MEX3A: variants seen among roughly 807,000 people sequenced by gnomAD.
The protein encoded by MEX3A is mex-3 RNA binding family member A.
A neutral mutation model predicts 30.0 loss-of-function variants in MEX3A; 4 were observed. That is an observed-to-expected ratio of 0.13 (90% confidence interval 0.07 to 0.30). The LOEUF is 0.30. Among genes scored for constraint, MEX3A ranks in the 10% least tolerant of loss-of-function variants. The pLI is 1.00. For missense variants in MEX3A, 555 were observed against 736.7 expected, an observed-to-expected ratio of 0.75 and a Z score of 2.86; for synonymous variants, 335 against 327.6, an observed-to-expected ratio of 1.02 and a Z score of -0.24.
chr1:156,079,059 GTCCTAC>G (rs1648149536), intron 1 of MEX3A, among the ~76,000 whole-genome samples: 1 of 152,002 alleles, frequency 6.6e-6, no homozygotes, highest in Non-Finnish European at 1.5e-5. Flanking sequence ...AAACCAAGTG[GTCCTAC>G]TTTTCTGCCT....
intron 1 of MEX3A, among the ~76,000 whole-genome samples, chr1:156,081,229 G>A (rs1300337150): frequency 6.6e-6 from 1 of 152,172 alleles, no homozygotes; most frequent in African/African-American, 2.4e-5. Flanking sequence ...CAGTTTTTCT[G>A]GTTAGGAGTG....
chr1:156,076,503 A>C lies in MEX3A; in HGVS notation c.*71T>G. ...TTGCCCCTCAAATCACCGCTTTCCA[A>C]AAGGCTTTAGTGGAAAACAGGTCCA... On this transcript the variant is annotated 3_prime_UTR_variant, in exon 2 of 2. Transcript: ENST00000532414. The surrounding 1 kb of genome is among the most constrained non-coding windows in gnomAD (Gnocchi z 6.0). 6.8e-7 allele frequency: 1 copy of C among 1,477,382 alleles called. No individual in the cohort carries two copies. Among genetic ancestry groups the C allele is most frequent in the South Asian group, 1.3e-5 (1 of 74,992 alleles). The allele number at this position is 1,477,382 out of a possible 1,614,324, so 91.5% of individuals were successfully genotyped here.
At position 156,077,971 on chromosome 1, in the gene MEX3A, A is replaced by G. The variant is rs1022481874; in HGVS notation, c.455-289T>C. ...ATTCATTCACTCCTCAAAACCCCCA[A>G]ATAATCACTGACCCTCCCATACAAG... On this transcript the variant is annotated intron_variant, in intron 1 of 1. Coordinates refer to ENST00000532414, the MANE Select transcript of MEX3A (RefSeq NM_001093725.2). The surrounding 1 kb of genome is among the most constrained non-coding windows in gnomAD (Gnocchi z 8.3). Among the ~76,000 whole-genome samples, 2 of 152,002 alleles carry G rather than the reference A, an allele frequency of 1.3e-5. No homozygotes were observed. Among genetic ancestry groups the G allele is most frequent in the South Asian group, 4.2e-4 (2 of 4,816 alleles).
chr1:156,081,427 C>A, intron 1 of MEX3A, 118 bp downstream of exon 1: 1 of 885,682 alleles, frequency 1.1e-6, no homozygotes, highest in East Asian at 3.0e-5. Flanking sequence ...GCGGGTCCCC[C>A]TTTGTGGGGA....
chr1:156,076,478 T>G lies in MEX3A; in HGVS notation c.*96A>C. ...CAGCGAGCGAGTATCTCTAAGCACC[T>G]TGCCCCTCAAATCACCGCTTTCCAA... On this transcript the variant is annotated 3_prime_UTR_variant, in exon 2 of 2. Coordinates refer to ENST00000532414, the MANE Select transcript of MEX3A (RefSeq NM_001093725.2). This position sits in a 1 kb window ranked among gnomAD's most constrained non-coding sequence, Gnocchi z 6.0. The G allele has an allele frequency of 7.6e-7, 1 of 1,318,224 alleles. No homozygotes were observed. 81.7% of individuals were successfully genotyped at this position (1,318,224 alleles called of 1,614,324 possible).
At chr1:156,081,277 C>T (rs1298562007) in intron 1 of MEX3A, among the ~76,000 whole-genome samples, 1 of 152,180 alleles carries the variant, frequency 6.6e-6, no homozygotes, top group African/African-American at 2.4e-5. Flanking sequence ...ATTGGGAGAC[C>T]GATCCCCTCC....
chr1:156,080,774 A>G (rs1572300781), intron 1 of MEX3A, among the ~76,000 whole-genome samples: 2 of 113,870 alleles, frequency 1.8e-5, no homozygotes. Context: ...CTTACCCCCC[A>G]GCATTCCCCC....
chr1:156,081,494 C>G, intron 1 of MEX3A, 51 bp downstream of exon 1: 2 of 1,482,600 alleles, frequency 1.3e-6, no homozygotes, highest in Non-Finnish European at 1.9e-6. Context: ...GCGCTAGGGA[C>G]GAGGGTGCCC....
rs944754016 is a variant in MEX3A, at chr1:156,081,995, G to C, written c.4C>G (p.Pro2Ala). 2 of 1,513,526 alleles carry C rather than the reference G, an allele frequency of 1.3e-6. No individual in the cohort carries two copies. Among genetic ancestry groups the C allele is most frequent in the African/African-American group, 2.9e-5 (2 of 70,138 alleles). The allele number at this position is 1,513,526 out of a possible 1,614,324, so 93.8% of individuals were successfully genotyped here. M[P>A]SLVVSGIMER... ...ATTATTCCAGATACCACTAGACTAGGCATGGCGAAACAAAAGCTGGGGGAG... is the reference window on the plus strand; with the variant it reads ...ATTATTCCAGATACCACTAGACTAGCCATGGCGAAACAAAAGCTGGGGGAG... The change falls in exon 1 of 2, where the codon CCT becomes GCT. Residue 2 changes from proline (P) to alanine (A), a missense_variant. Coordinates refer to ENST00000532414, the MANE Select transcript of MEX3A (RefSeq NM_001093725.2).
At position 156,077,309 on chromosome 1, in the gene MEX3A, G is replaced by T. The variant is rs778663471; in HGVS notation, c.828C>A (p.Asn276Lys). ...CGATCTCCTCGCGCGCACGCTCCAC[G>T]TTGCCTGGGGCACCCGTGATCTCGA... is the stretch of plus-strand genomic sequence containing the variant. ...PVFEITGAPG[N>K]VERAREEIET... The change falls in exon 2 of 2, where the codon AAC (asparagine) becomes AAA (lysine). Residue 276 changes from asparagine to lysine, a missense_variant. Around this residue, in one of 6 missense-constraint regions of MEX3A, gnomAD observed 33 missense variants for 100.9 expected, o/e 0.33. Coordinates refer to ENST00000532414, the MANE Select transcript of MEX3A (RefSeq NM_001093725.2). This position sits in a 1 kb window ranked among gnomAD's most constrained non-coding sequence, Gnocchi z 8.3. 1 of 1,613,924 alleles carries T rather than the reference G, an allele frequency of 6.2e-7. No individual in the cohort carries two copies.
chr1:156,080,855 C>T (rs1648204087), intron 1 of MEX3A, among the ~76,000 whole-genome samples: 1 of 152,046 alleles, frequency 6.6e-6, no homozygotes, highest in South Asian at 2.1e-4. Flanking sequence ...CGTGGCCAGC[C>T]CAGAACAAAA....
chr1:156,081,008 T>C (rs1648210418), intron 1 of MEX3A, among the ~76,000 whole-genome samples: 1 of 151,880 alleles, frequency 6.6e-6, no homozygotes, highest in African/African-American at 2.4e-5. Context: ...TCACCGCCTC[T>C]TCCCCAGGCT....
At chr1:156,080,824 T>C (rs1572300839) in intron 1 of MEX3A, among the ~76,000 whole-genome samples, 1 of 143,422 alleles carries the variant, frequency 7.0e-6, no homozygotes, top group South Asian at 2.2e-4. Flanking sequence ...GAGACCCCTC[T>C]CTAGGCCTCT....
rs531038682 is a variant in MEX3A at position 156,081,636 on chromosome 1, C to T, written c.363G>A (p.Glu121=). ...SDAKLCALYK[E]AELRLKGSSN... ...TGCTGCCCTTCAGGCGCAGCTCGGC[C>T]TCTTTGTAGAGAGCGCAGAGCTTGG... is the stretch of plus-strand genomic sequence containing the variant. Residue 121 remains glutamate (E), a synonymous_variant, in exon 1 of 2, where the codon GAG becomes GAA. Transcript: ENST00000532414. 76 of 1,556,698 alleles carry T rather than the reference C, an allele frequency of 4.9e-5. No individual in the cohort carries two copies. The South Asian group carries it at 8.0e-4, about 16-fold the overall frequency.
Position 156,081,692 on chromosome 1 carries a change from G to A in MEX3A, c.307C>T (p.Pro103Ser), listed in dbSNP as rs1339619805. The A allele has an allele frequency of 2.9e-6, 4 of 1,368,920 alleles. No individual in the cohort carries two copies. Among genetic ancestry groups the A allele is most frequent in the African/African-American group, 1.5e-5 (1 of 65,434 alleles). The allele number at this position is 1,368,920 out of a possible 1,614,324, so 84.8% of individuals were successfully genotyped here. A position where few individuals can be genotyped will look rare whatever the true frequency, so the allele number is the denominator to read the frequency against. ...TAAPAAQTPQPPTAPKGASDA... is the reference protein window; with the variant it reads ...TAAPAAQTPQSPTAPKGASDA... The stretch of plus-strand genomic sequence containing the variant: ...CTCGCCCCTTTGGGGGCGGTGGGGG[G>A]CTGGGGCGTCTGCGCTGCGGGGGCC... Residue 103 changes from proline (P) to serine (S), a missense_variant, in exon 1 of 2, where the codon CCC (proline) becomes TCC (serine). This residue lies in a region of MEX3A where 159 missense variants were observed against 159.9 expected (regional missense o/e 0.99). Coordinates refer to ENST00000532414, the MANE Select transcript of MEX3A (RefSeq NM_001093725.2).
rs533729380 is a variant in MEX3A, at chr1:156,074,494, T to C, written c.*2080A>G. On this transcript the variant is annotated 3_prime_UTR_variant, in exon 2 of 2. Transcript: ENST00000532414. ...TCTCATGCTCTCTTTCTCTCCTCTA[T>C]TTTGTCTCTCACTATTCGTGTTTTG... 2 of 152,634 alleles carry C rather than the reference T, an allele frequency of 1.3e-5. No individual in the cohort carries two copies. Among genetic ancestry groups the C allele is most frequent in the Non-Finnish European group, 1.5e-5 (1 of 67,982 alleles). The allele number at this position is 152,634 out of a possible 1,614,324, so 9.5% of individuals were successfully genotyped here. A position where few individuals can be genotyped will look rare whatever the true frequency, so the allele number is the denominator to read the frequency against.
chr1:156,081,757 G>C lies in MEX3A; in HGVS notation c.242C>G (p.Pro81Arg). The change falls in exon 1 of 2, where the codon CCG becomes CGG. Residue 81 changes from proline (P) to arginine (R), a missense_variant. By Grantham distance (103) the Pro-to-Arg change is moderately radical (BLOSUM62 -2). Transcript: ENST00000532414. ...CGGGGGCGCCGCGGGCGGCGGCGGC[G>C]GGGCCGGCTGCGGGGGGGCGGCCGG... ...AQPAAPPQPA[P>R]PPPPAAPPAA... 12 of 839,070 alleles carry C rather than the reference G, an allele frequency of 1.4e-5. No homozygotes were observed. The highest frequency in any genetic ancestry group is 1.7e-5 in the Non-Finnish European group (12 of 698,052). 52.0% of individuals were successfully genotyped at this position (839,070 alleles called of 1,614,324 possible). A position where few individuals can be genotyped will look rare whatever the true frequency, so the allele number is the denominator to read the frequency against.
At position 156,081,794 on chromosome 1, in the gene MEX3A, C is replaced by T. The variant is rs1648254940; in HGVS notation, c.205G>A (p.Ala69Thr). Residue 69 changes from alanine (A) to threonine (T), a missense_variant, in exon 1 of 2, where the codon GCC becomes ACC. Physicochemically the swap from Ala to Thr is moderately conservative, Grantham distance 58 (BLOSUM62 0). Around this residue, in one of 6 missense-constraint regions of MEX3A, gnomAD observed 159 missense variants for 159.9 expected, o/e 0.99. Coordinates refer to ENST00000532414, the MANE Select transcript of MEX3A (RefSeq NM_001093725.2). ...GEDGGGGGGG[A>T]PAQPAAPPQP... Reference sequence around the variant, plus strand: ...GGGGGGGCGGCCGGCTGCGCGGGGGCGCCGCCCCCCCCACCTCCCCCGTCC... The same window carrying T: ...GGGGGGGCGGCCGGCTGCGCGGGGGTGCCGCCCCCCCCACCTCCCCCGTCC... 2 of 1,056,338 alleles carry T rather than the reference C, an allele frequency of 1.9e-6. No homozygotes were observed. The highest frequency in any genetic ancestry group is 3.2e-5 in the South Asian group (1 of 30,794). 65.4% of individuals were successfully genotyped at this position (1,056,338 alleles called of 1,614,324 possible).
Position 156,077,969 on chromosome 1 carries a change from C to T in MEX3A, c.455-287G>A, listed in dbSNP as rs1306579389. On this transcript the variant is annotated intron_variant, in intron 1 of 1. Coordinates refer to ENST00000532414, the MANE Select transcript of MEX3A (RefSeq NM_001093725.2). This position sits in a 1 kb window ranked among gnomAD's most constrained non-coding sequence, Gnocchi z 8.3. ...AAATTCATTCACTCCTCAAAACCCC[C>T]AAATAATCACTGACCCTCCCATACA... 1.3e-5 allele frequency among the ~76,000 whole-genome samples: 2 copies of T among 152,140 alleles called. No homozygotes were observed. Among genetic ancestry groups the T allele is most frequent in the Non-Finnish European group, 2.9e-5 (2 of 68,020 alleles).
Sources: gnomAD v4.1 joint callset for allele counts (sites outside exome capture counted in the v4.1 genomes callset) on GRCh38, gnomAD v4.1.1 for gene constraint, gnomAD v4.1.1 regional missense constraint, Gnocchi (gnomAD v3.1) non-coding constraint, MANE v1.5 for transcripts, NCBI Gene and HGNC (gene_info 2026-07-23, HGNC 2026-07-21) for gene names.